The following PARD3 variants were observed in gnomAD, a reference collection of about 807,000 sequenced individuals.
The protein encoded by PARD3 is par-3 family cell polarity regulator.
A neutral mutation model predicts 155.4 loss-of-function variants in PARD3; 75 were observed. The observed-to-expected ratio is 0.48, with a 90% CI of 0.40 to 0.58. The LOEUF (loss-of-function observed/expected upper bound fraction) is 0.58, where lower values mean the gene tolerates loss of function less well. Among genes scored for constraint, PARD3 ranks in the 20% least tolerant of loss-of-function variants. PARD3 has a pLI of 0.00. For synonymous variants in PARD3, 576 were observed against 610.5 expected (o/e 0.94, Z 0.83); for missense variants, 1,642 against 1,721.7 (o/e 0.95, Z 0.82).
chr10:34,261,929 T>C (rs1037927018), intron 22 of PARD3, among the ~76,000 whole-genome samples: 1 of 152,196 alleles, frequency 6.6e-6, no homozygotes, highest in Non-Finnish European at 1.5e-5. Flanking sequence ...TGATCATAGA[T>C]GAACAATGGA....
intron 1 of PARD3, among the ~76,000 whole-genome samples, chr10:34,810,621 T>C (rs1037315792): frequency 6.6e-6 from 1 of 152,166 alleles, no homozygotes; most frequent in Non-Finnish European, 1.5e-5. Flanking sequence ...TTCTTACCTA[T>C]CCTTCAATGA....
intron 2 of PARD3, among the ~76,000 whole-genome samples, chr10:34,574,188 A>C (rs930262873): frequency 5.3e-5 from 8 of 152,180 alleles, no homozygotes; most frequent in Non-Finnish European, 8.8e-5. Flanking sequence ...CAAAAGATTT[A>C]CAAAATATTG....
intron 2 of PARD3, among the ~76,000 whole-genome samples, chr10:34,520,616 T>TG (rs2082086470): frequency 2.0e-5 from 3 of 152,328 alleles, no homozygotes. Flanking sequence ...TTTGGAGCTG[T>TG]GGCCCATACC....
chr10:34,484,623 T>C (rs1048768625), intron 3 of PARD3, among the ~76,000 whole-genome samples: 2 of 152,176 alleles, frequency 1.3e-5, no homozygotes, highest in Non-Finnish European at 2.9e-5. Context: ...GATCTCATAA[T>C]ATACAACATA....
intron 20 of PARD3, chr10:34,312,281 T>C: frequency 1.9e-6 from 3 of 1,606,474 alleles, no homozygotes; most frequent in African/African-American, 2.7e-5. Flanking sequence ...AGTAAATTTA[T>C]TGTTTGTTTA....
intron 6 of PARD3, 62 bp from the exon 7 acceptor site, chr10:34,399,475 C>T: frequency 9.7e-7 from 1 of 1,025,742 alleles, no homozygotes; most frequent in East Asian, 2.4e-5. Context: ...AAAACCAAAA[C>T]AAAACAAAAC....
At chr10:34,332,150 AC>A (rs1443368616) in intron 18 of PARD3, among the ~76,000 whole-genome samples, 1 of 152,182 alleles carries the variant, frequency 6.6e-6, no homozygotes, top group Non-Finnish European at 1.5e-5. Context: ...GATGACAGGG[AC>A]AAATTCCGGG....
At chr10:34,801,358 T>C (rs1040820355) in intron 1 of PARD3, among the ~76,000 whole-genome samples, 1 of 152,108 alleles carries the variant, frequency 6.6e-6, no homozygotes, top group African/African-American at 2.4e-5. Flanking sequence ...CCTAAATGCA[T>C]ATGGGGAGAG....
chr10:34,151,091 A>AC (rs1162656962), intron 22 of PARD3, among the ~76,000 whole-genome samples: 1 of 152,082 alleles, frequency 6.6e-6, no homozygotes, highest in Admixed American at 6.6e-5. Context: ...TGTGAAAGAG[A>AC]TTTTTCAAAG....
intron 22 of PARD3, among the ~76,000 whole-genome samples, chr10:34,217,882 T>C (rs1952081217): frequency 6.6e-6 from 1 of 152,042 alleles, no homozygotes; most frequent in Non-Finnish European, 1.5e-5. Context: ...AAATAAGTAA[T>C]GTAGTTTCAG....
chr10:34,200,694 T>A (rs1156990825), intron 22 of PARD3, among the ~76,000 whole-genome samples: 1 of 151,674 alleles, frequency 6.6e-6, no homozygotes, highest in Non-Finnish European at 1.5e-5. Context: ...AGACACAGAG[T>A]CGTGACAACA....
intron 2 of PARD3, among the ~76,000 whole-genome samples, chr10:34,642,701 G>A (rs1331701087): frequency 1.3e-5 from 2 of 151,606 alleles, no homozygotes; most frequent in Non-Finnish European, 2.9e-5. Context: ...CCCTCCCCAT[G>A]ACCCCCACGA....
At chr10:34,117,616 T>C (rs1483392724) in intron 24 of PARD3, among the ~76,000 whole-genome samples, 1 of 152,148 alleles carries the variant, frequency 6.6e-6, no homozygotes, top group East Asian at 1.9e-4. Flanking sequence ...CACCTGTTAA[T>C]ATCCCAAATT....
At position 34,675,234 on chromosome 10, in the gene PARD3, CATT is replaced by C. The variant is rs373759821; in HGVS notation, c.222+21081_222+21083del. On this transcript the variant is annotated intron_variant, in intron 2 of 24. Coordinates refer to ENST00000374788, the MANE Select transcript of PARD3 (RefSeq NM_001184785.2). ...ATCATCTAACTTTCTGAGTTAGCATCATTGTTTTTCTGCTGTTAAGCAACTTTG... is the reference window on the plus strand; with the variant it reads ...ATCATCTAACTTTCTGAGTTAGCATCGTTTTTCTGCTGTTAAGCAACTTTG... Among the ~76,000 whole-genome samples the C allele has an allele frequency of 1.5e-3, 225 of 152,258 alleles. 1 individual carries two copies. Among genetic ancestry groups the C allele is most frequent in the African/African-American group, 5.3e-3 (222 of 41,550 alleles).
intron 2 of PARD3, among the ~76,000 whole-genome samples, chr10:34,538,702 A>C (rs2083390187): frequency 6.6e-6 from 1 of 152,240 alleles, no homozygotes; most frequent in Non-Finnish European, 1.5e-5. Context: ...CTGGGCAGAA[A>C]GAATGAAGTA....
chr10:34,510,621 A>T (rs2081349034), intron 3 of PARD3, among the ~76,000 whole-genome samples: 1 of 152,208 alleles, frequency 6.6e-6, no homozygotes, highest in Admixed American at 6.5e-5. Flanking sequence ...TGGGGGAAAA[A>T]AGTTCAAAGA....
At chr10:34,218,008 T>G (rs1209094316) in intron 22 of PARD3, among the ~76,000 whole-genome samples, 1 of 152,162 alleles carries the variant, frequency 6.6e-6, no homozygotes, top group East Asian at 1.9e-4. Flanking sequence ...CTCATGTTTG[T>G]GACCGATGCC....
At chr10:34,556,636 C>T (rs2134015165) in intron 2 of PARD3, among the ~76,000 whole-genome samples, 1 of 152,278 alleles carries the variant, frequency 6.6e-6, no homozygotes, top group African/African-American at 2.4e-5. Flanking sequence ...CCCGCCTCAG[C>T]CTCCCAAAGT....
At chr10:34,240,263 G>A (rs1215446941) in intron 22 of PARD3, among the ~76,000 whole-genome samples, 1 of 152,104 alleles carries the variant, frequency 6.6e-6, no homozygotes, top group Non-Finnish European at 1.5e-5. Context: ...TAGGTAAGAG[G>A]GCACATTACT....
Sources: allele counts gnomAD v4.1 joint callset (sites outside exome capture counted in the v4.1 genomes callset), GRCh38; gene constraint gnomAD v4.1.1; transcripts MANE v1.5; gene names NCBI Gene and HGNC (gene_info 2026-07-23, HGNC 2026-07-21).